The following DAB2 variants were observed in gnomAD, a reference collection of about 807,000 sequenced individuals.
The protein encoded by DAB2 is disabled homolog 2.
Under a neutral mutation model 71.6 loss-of-function variants are expected in DAB2, and 28 were observed. The ratio of observed to expected loss-of-function variants is 0.39; its 90% CI spans 0.29 to 0.54. The LOEUF is 0.54. DAB2 is among the 20% of genes least tolerant of loss of function. DAB2 has a pLI of 0.68. For missense variants in DAB2, 867 were observed against 928.8 expected (o/e 0.93, Z 0.86); for synonymous variants, 345 against 339.7 (o/e 1.02, Z -0.17).
intron 4 of DAB2, 111 bp downstream of exon 4, chr5:39,392,234 GGAGATGTAATATATGATATA>G: frequency 1.4e-6 from 1 of 706,810 alleles, no homozygotes; most frequent in South Asian, 1.6e-5. Context: ...TGTTACTTCT[GGAGATGTAATATATGATATA>G]TTTGTTCCCC....
rs1755145782 is a variant in DAB2 at position 39,388,362 on chromosome 5, A to C, written c.630T>G (p.Val210=). The C allele has an allele frequency of 1.9e-6, 3 of 1,608,928 alleles. No individual in the cohort carries two copies. The highest frequency in any genetic ancestry group is 2.6e-6 in the Non-Finnish European group (3 of 1,175,772). ...DDQTNKLKSG[V]DQMDLFGDMS... ...TGTCCCCAAACAAATCCATCTGGTC[A>C]ACACCCTTAAAAAAGTATTTGGATT... The change falls in exon 9 of 15, where the codon GTT becomes GTG. Residue 210 remains valine, a synonymous_variant. Coordinates refer to ENST00000320816, the MANE Select transcript of DAB2 (RefSeq NM_001343.4).
chr5:39,394,848 T>A (rs1561372720), intron 1 of DAB2, among the ~76,000 whole-genome samples: 2 of 152,216 alleles, frequency 1.3e-5, no homozygotes, highest in African/African-American at 4.8e-5. Flanking sequence ...TTCGGAAAAT[T>A]GCTTAACTAT....
rs1176184717 is a variant in DAB2, at chr5:39,393,243, T to C, written c.231+11A>G. 6.2e-7 allele frequency: 1 copy of C among 1,613,182 alleles called. No individual in the cohort carries two copies. The highest frequency in any genetic ancestry group is 1.7e-5 in the Admixed American group (1 of 59,918). ...CTTAATATACAGATAAAGCATTCAT[T>C]TCCCTTTTACCTTTAGTTTCATCAT... On this transcript the variant is annotated intron_variant, in intron 3 of 14. Transcript: ENST00000320816.
At chr5:39,384,410 C>T (rs918325138) in intron 9 of DAB2, among the ~76,000 whole-genome samples, 4 of 152,158 alleles carry the variant, frequency 2.6e-5, no homozygotes, top group African/African-American at 9.7e-5. Context: ...CTCTGTCTCT[C>T]TTCTCTCAAA....
chr5:39,418,679 A>T (rs1417803418), intron 1 of DAB2, among the ~76,000 whole-genome samples: 2 of 152,152 alleles, frequency 1.3e-5, no homozygotes, highest in African/African-American at 2.4e-5. Flanking sequence ...TTGATTATTC[A>T]CATTTAATAG....
chr5:39,403,228 G>T (rs1030043196), intron 1 of DAB2, among the ~76,000 whole-genome samples: 1 of 152,036 alleles, frequency 6.6e-6, no homozygotes, highest in Non-Finnish European at 1.5e-5. Flanking sequence ...AAAACTGAGG[G>T]CAAGAAAGAG....
intron 1 of DAB2, among the ~76,000 whole-genome samples, chr5:39,423,523 C>T (rs1756035490): frequency 1.3e-5 from 2 of 152,130 alleles, no homozygotes; most frequent in South Asian, 2.1e-4. Flanking sequence ...CTGCAAGCTC[C>T]CTCCTCCCCA....
chr5:39,389,718 G>C, intron 6 of DAB2, 134 bp downstream of exon 6: 1 of 559,410 alleles, frequency 1.8e-6, no homozygotes, highest in Non-Finnish European at 3.2e-6. Flanking sequence ...CGCCATGTTG[G>C]CCAGGCTGGT....
At chr5:39,415,887 T>G (rs1175688998) in intron 1 of DAB2, among the ~76,000 whole-genome samples, 4 of 152,154 alleles carry the variant, frequency 2.6e-5, no homozygotes, top group African/African-American at 7.2e-5. Context: ...CATTACAGAA[T>G]GTACTTCGTA....
chr5:39,389,872 T>C lies in DAB2; in HGVS notation c.523A>G (p.Lys175Glu). ...CTTGCCTTTTTCTTTTCTTCTTCCT[T>C]TTTCTTTACATTATAGATAACTTGA... is the stretch of plus-strand genomic sequence containing the variant. ...LFQVIYNVKK[K>E]EEEKKKIEEA... The change falls in exon 6 of 15, where the codon AAG becomes GAG. Residue 175 changes from lysine to glutamate, a missense_variant. Physicochemically the swap from Lys to Glu is moderately conservative, Grantham distance 56. Transcript: ENST00000320816. 6.3e-7 allele frequency: 1 copy of C among 1,583,392 alleles called. No individual in the cohort carries two copies. The highest frequency in any genetic ancestry group is 2.2e-5 in the East Asian group (1 of 44,476).
chr5:39,396,993 C>T (rs1227536943), intron 1 of DAB2, among the ~76,000 whole-genome samples: 1 of 152,200 alleles, frequency 6.6e-6, no homozygotes, highest in East Asian at 1.9e-4. Flanking sequence ...CCTGCTTTGC[C>T]TGCTGGCTGC....
At chr5:39,404,199 G>A (rs1554054908) in intron 1 of DAB2, among the ~76,000 whole-genome samples, 1 of 140,058 alleles carries the variant, frequency 7.1e-6, no homozygotes. Flanking sequence ...AACAATGAGA[G>A]CACATGGACA....
chr5:39,373,652 T>C (rs1222876900), intron 14 of DAB2, among the ~76,000 whole-genome samples: 1 of 152,188 alleles, frequency 6.6e-6, no homozygotes, highest in Non-Finnish European at 1.5e-5. Context: ...CCCAATCTAT[T>C]GATGTAGCAG....
chr5:39,420,660 T>TC (rs1272272185), intron 1 of DAB2, among the ~76,000 whole-genome samples: 1 of 152,232 alleles, frequency 6.6e-6, no homozygotes, highest in Non-Finnish European at 1.5e-5. Flanking sequence ...TCATAAGCTT[T>TC]CATGTTTTGC....
At position 39,395,937 on chromosome 5, in the gene DAB2, C is replaced by CTTTTTTTTTTTTTTTTTTTTTT. The variant is rs3024228; in HGVS notation, c.-101-1538_-101-1517dup. 6.7e-5 allele frequency among the ~76,000 whole-genome samples: 5 copies of CTTTTTTTTTTTTTTTTTTTTTT among 74,858 alleles called. 2 individuals carry two copies. Among genetic ancestry groups the CTTTTTTTTTTTTTTTTTTTTTT allele is most frequent in the Non-Finnish European group, 6.9e-5 (3 of 43,468 alleles). 49.1% of individuals were successfully genotyped at this position (74,858 alleles called of 152,430 possible). ...GAGGGAAGGCTAAGACACAGATATT[C>CTTTTTTTTTTTTTTTTTTTTTT]TTTTTTTTTTTTTTTTTTTTTTTGA... is the stretch of plus-strand genomic sequence containing the variant. On this transcript the variant is annotated intron_variant, in intron 1 of 14. Transcript: ENST00000320816.
intron 1 of DAB2, among the ~76,000 whole-genome samples, chr5:39,411,699 T>A (rs558426620): frequency 2.0e-5 from 3 of 152,288 alleles, no homozygotes; most frequent in Non-Finnish European, 4.4e-5. Flanking sequence ...ACTATTAAGT[T>A]CCTAATCCAA....
chr5:39,415,239 C>A (rs1170521976), intron 1 of DAB2, among the ~76,000 whole-genome samples: 2 of 152,028 alleles, frequency 1.3e-5, no homozygotes, highest in Non-Finnish European at 2.9e-5. Flanking sequence ...TTATGAGTCT[C>A]CTATAACCAC....
intron 4 of DAB2, 33 bp downstream of exon 4, chr5:39,392,332 G>T: frequency 6.5e-7 from 1 of 1,527,250 alleles, no homozygotes; most frequent in Non-Finnish European, 9.1e-7. Context: ...GACTCAGGTG[G>T]TCAGAGAGGT....
At chr5:39,376,591 G>C in intron 12 of DAB2, 59 bp downstream of exon 12, 2 of 1,575,470 alleles carry the variant, frequency 1.3e-6, no homozygotes, top group Non-Finnish European at 1.7e-6. Context: ...AACTCATTTA[G>C]GTCCATGTGG....
Sources: allele counts gnomAD v4.1 joint callset (sites outside exome capture counted in the v4.1 genomes callset), GRCh38; gene constraint gnomAD v4.1.1; transcripts MANE v1.5; gene names NCBI Gene and HGNC (gene_info 2026-07-23, HGNC 2026-07-21).